SNX27: variants seen among roughly 807,000 people sequenced by gnomAD.
SNX27 encodes the protein sorting nexin 27.
In SNX27, 22 loss-of-function variants were observed where a neutral mutation model predicts 71.6. That is an observed-to-expected ratio of 0.31 (90% CI 0.22 to 0.44). The LOEUF is 0.44. SNX27 is among the 20% of genes least tolerant of loss of function. The pLI, the probability that SNX27 is intolerant of heterozygous loss-of-function variation, is 1.00. For missense variants in SNX27, 531 were observed against 698.6 expected, an observed-to-expected ratio of 0.76 and a Z score of 2.70; for synonymous variants, 269 against 277.2, an observed-to-expected ratio of 0.97 and a Z score of 0.29.
At chr1:151,663,107 G>A (rs1017005291) in intron 5 of SNX27, among the ~76,000 whole-genome samples, 1 of 151,172 alleles carries the variant, frequency 6.6e-6, no homozygotes, top group Non-Finnish European at 1.5e-5. Context: ...TTTACATTTG[G>A]TTTGTTAAAA....
intron 8 of SNX27, among the ~76,000 whole-genome samples, chr1:151,688,903 CTGATA>C (rs1469675069): frequency 6.6e-6 from 1 of 152,082 alleles, no homozygotes; most frequent in Non-Finnish European, 1.5e-5. Flanking sequence ...CCACTTAATG[CTGATA>C]AATACTGCCC....
intron 8 of SNX27, among the ~76,000 whole-genome samples, chr1:151,687,982 A>C (rs191659811): frequency 2.6e-4 from 40 of 151,314 alleles, no homozygotes; most frequent in Non-Finnish European, 2.7e-4. Flanking sequence ...AAAAAAAAAA[A>C]CTGCCCTATG....
chr1:151,638,113 T>G (rs1377781356), intron 1 of SNX27, among the ~76,000 whole-genome samples: 1 of 152,222 alleles, frequency 6.6e-6, no homozygotes, highest in African/African-American at 2.4e-5. Context: ...ATTTCAGCCT[T>G]TTGTACACAG....
intron 7 of SNX27, among the ~76,000 whole-genome samples, chr1:151,669,681 T>C (rs1670373064): frequency 6.6e-6 from 1 of 152,234 alleles, no homozygotes; most frequent in Non-Finnish European, 1.5e-5. Context: ...TTTGTTTTGC[T>C]TTACTCCCAT....
chr1:151,628,240 C>A (rs1668041131), intron 1 of SNX27, among the ~76,000 whole-genome samples: 2 of 152,226 alleles, frequency 1.3e-5, no homozygotes, highest in South Asian at 4.1e-4. Context: ...CTCCTGACCT[C>A]AGGTGAAACG....
At chr1:151,656,788 G>A (rs1376161598) in intron 2 of SNX27, among the ~76,000 whole-genome samples, 1 of 152,194 alleles carries the variant, frequency 6.6e-6, no homozygotes, top group Non-Finnish European at 1.5e-5. Context: ...AATGCTGTAT[G>A]CAGCAGAGTA....
At position 151,697,444 on chromosome 1, in the gene SNX27, G is replaced by C. The variant is rs1043390278; in HGVS notation, c.*3027G>C. On this transcript the variant is annotated 3_prime_UTR_variant, in exon 12 of 12. Coordinates refer to ENST00000458013, the MANE Select transcript of SNX27 (RefSeq NM_001330723.2). ...ATTCACTTGGTGCTTTGGAGATTAG[G>C]TGAGGGCCCTATAGGTAGTTGGCCT... 6.6e-6 allele frequency: 1 copy of C among 152,650 alleles called. No individual in the cohort carries two copies. The highest frequency in any genetic ancestry group is 2.4e-5 in the African/African-American group (1 of 41,450). The allele number at this position is 152,650 out of a possible 1,614,324, so 9.5% of individuals were successfully genotyped here. A position where few individuals can be genotyped will look rare whatever the true frequency, so the allele number is the denominator to read the frequency against.
chr1:151,678,704 A>AT (rs112483667), intron 7 of SNX27: 57,549 of 151,760 alleles, frequency 0.38, 13,722 homozygotes, highest in Non-Finnish European at 0.55. Flanking sequence ...CAAATGACTT[A>AT]TTTTTTTGTT....
At chr1:151,652,268 A>C (rs942463247) in intron 2 of SNX27, among the ~76,000 whole-genome samples, 3 of 139,706 alleles carry the variant, frequency 2.1e-5, no homozygotes, top group African/African-American at 8.0e-5. Flanking sequence ...GAGGGAGAGG[A>C]AACTGAATCT....
Position 151,658,418 on chromosome 1 carries a change from C to G in SNX27, c.727C>G (p.Leu243Val). The change falls in exon 3 of 12, where the codon CTA (leucine) becomes GTA (valine). Residue 243 changes from leucine (L) to valine (V), a missense_variant. Transcript: ENST00000458013. ...CCGACGTCGGGGATTGGAAGAATAT[C>G]TAGAAAAAGGTAATCCAAACCATCA... Reference protein sequence around the residue: ...DARRRGLEEYLEKVCSIRVIG... With the variant: ...DARRRGLEEYVEKVCSIRVIG... 1.2e-6 allele frequency: 2 copies of G among 1,613,206 alleles called. No individual in the cohort carries two copies. The highest frequency in any genetic ancestry group is 1.7e-6 in the Non-Finnish European group (2 of 1,179,666).
chr1:151,678,926 G>C (rs1379790883), intron 7 of SNX27: 1 of 152,108 alleles, frequency 6.6e-6, no homozygotes, highest in Non-Finnish European at 1.5e-5. Context: ...GTTTTACCAT[G>C]TTGCCCTGGC....
chr1:151,621,511 C>G (rs1320664592), intron 1 of SNX27, among the ~76,000 whole-genome samples: 1 of 152,148 alleles, frequency 6.6e-6, no homozygotes, highest in Non-Finnish European at 1.5e-5. Flanking sequence ...AATGATAGGC[C>G]TATGTTTTCT....
At chr1:151,663,540 G>A (rs1230742335) in intron 5 of SNX27, among the ~76,000 whole-genome samples, 5 of 151,964 alleles carry the variant, frequency 3.3e-5, no homozygotes, top group African/African-American at 1.2e-4. Flanking sequence ...GCAGAAATGG[G>A]TCAGTGTCCT....
chr1:151,656,098 C>G (rs1211891522), intron 2 of SNX27, among the ~76,000 whole-genome samples: 1 of 151,976 alleles, frequency 6.6e-6, no homozygotes, highest in African/African-American at 2.4e-5. Context: ...TGGTGGGTGC[C>G]TGTAGTCTCA....
chr1:151,618,652 A>G (rs561904931), intron 1 of SNX27, among the ~76,000 whole-genome samples: 1 of 152,330 alleles, frequency 6.6e-6, no homozygotes, highest in African/African-American at 2.4e-5. Context: ...AATAATTCTT[A>G]TGACCTTGTA....
intron 1 of SNX27, among the ~76,000 whole-genome samples, chr1:151,619,438 C>CATAG (rs1404538300): frequency 3.3e-5 from 5 of 152,046 alleles, no homozygotes; most frequent in African/African-American, 1.2e-4. Context: ...AAGCTGGGAC[C>CATAG]ATAGGCGTAT....
chr1:151,615,697 GA>G, intron 1 of SNX27: 1 of 983,786 alleles, frequency 1.0e-6, no homozygotes. Context: ...TATGGACCTT[GA>G]TAATTGCTAT....
intron 2 of SNX27, among the ~76,000 whole-genome samples, chr1:151,642,830 C>T (rs1215097282): frequency 3.3e-5 from 5 of 151,958 alleles, no homozygotes; most frequent in African/African-American, 9.7e-5. Context: ...TTAGTAGAGA[C>T]GGGGTTTCAC....
intron 1 of SNX27, among the ~76,000 whole-genome samples, chr1:151,623,903 G>A (rs981130303): frequency 6.6e-6 from 1 of 152,052 alleles, no homozygotes. Flanking sequence ...GACCTCACTG[G>A]TAATTCTTTA....
Sources: gnomAD v4.1 joint callset for allele counts (sites outside exome capture counted in the v4.1 genomes callset) on GRCh38, gnomAD v4.1.1 for gene constraint, MANE v1.5 for transcripts, NCBI Gene and HGNC (gene_info 2026-07-23, HGNC 2026-07-21) for gene names.